Variants in GRID1 observed in about 807,000 individuals in gnomAD.
GRID1 encodes glutamate ionotropic receptor delta type subunit 1.
In GRID1, 28 loss-of-function variants were observed where a neutral mutation model predicts 98.0. That is an observed-to-expected ratio of 0.29 (90% CI 0.21 to 0.39). The LOEUF (loss-of-function observed/expected upper bound fraction) is 0.39. GRID1 is among the 10% of genes least tolerant of loss of function. GRID1 has a pLI of 1.00. For missense variants in GRID1, 1,111 were observed against 1,340.5 expected (o/e 0.83, Z 2.67); for synonymous variants, 553 against 538.5 (o/e 1.03, Z -0.37).
intron 5 of GRID1, among the ~76,000 whole-genome samples, chr10:85,882,170 T>C (rs2131803888): frequency 6.6e-6 from 1 of 152,324 alleles, no homozygotes; most frequent in East Asian, 1.9e-4. Context: ...TTTACACCAT[T>C]GGTGGGACTG....
intron 3 of GRID1, among the ~76,000 whole-genome samples, chr10:86,143,081 C>A (rs1429647374): frequency 1.3e-5 from 2 of 152,218 alleles, no homozygotes; most frequent in Non-Finnish European, 2.9e-5. Flanking sequence ...ATGCTCCTTG[C>A]CAGCGGTGGC....
chr10:86,136,008 G>A (rs1339224765), intron 4 of GRID1, among the ~76,000 whole-genome samples: 1 of 152,190 alleles, frequency 6.6e-6, no homozygotes, highest in Non-Finnish European at 1.5e-5. Flanking sequence ...GGGTGCTGAG[G>A]AGACATTTAC....
chr10:85,696,427 A>G (rs1234618266), intron 12 of GRID1, among the ~76,000 whole-genome samples: 1 of 152,084 alleles, frequency 6.6e-6, no homozygotes, highest in East Asian at 1.9e-4. Flanking sequence ...AGGTGCTCTA[A>G]AAATATGGAC....
chr10:86,188,822 T>C (rs892703127), intron 3 of GRID1, among the ~76,000 whole-genome samples: 1 of 152,188 alleles, frequency 6.6e-6, no homozygotes, highest in Non-Finnish European at 1.5e-5. Flanking sequence ...TTATCTCTGC[T>C]TGATAGATGA....
At chr10:86,303,795 TG>T in intron 2 of GRID1, among the ~76,000 whole-genome samples, 1 of 152,344 alleles carries the variant, frequency 6.6e-6, no homozygotes, top group East Asian at 1.9e-4. Context: ...GGCACTCAGA[TG>T]TCAGCAGGAG....
In GRID1 at chr10:86,296,482, T is replaced by C. The variant is rs531273237; in HGVS notation, c.235+67459A>G. ...TAAAAAAATAGGCTGGACACACCTT[T>C]AATCCTAGCACTTTGGGAGCCTGAG... On this transcript the variant is annotated intron_variant, in intron 2 of 15. Coordinates refer to ENST00000327946, the MANE Select transcript of GRID1 (RefSeq NM_017551.3). Among the ~76,000 whole-genome samples the C allele has an allele frequency of 2.0e-5, 3 of 152,330 alleles. No individual in the cohort carries two copies. In the South Asian group the frequency reaches 6.2e-4, roughly 32 times the overall value.
chr10:86,325,942 T>C (rs558693645), intron 2 of GRID1, among the ~76,000 whole-genome samples: 110 of 152,240 alleles, frequency 7.2e-4, no homozygotes, highest in Non-Finnish European at 1.2e-3. Flanking sequence ...ACAGACAAAA[T>C]TGACATAATT....
intron 4 of GRID1, among the ~76,000 whole-genome samples, chr10:86,112,607 G>A (rs905000184): frequency 2.0e-5 from 3 of 151,948 alleles, no homozygotes; most frequent in Non-Finnish European, 4.4e-5. Context: ...CCGAGCAGGG[G>A]TGGGGGTGGG....
chr10:86,092,816 T>C (rs1262691501), intron 4 of GRID1, among the ~76,000 whole-genome samples: 1 of 152,166 alleles, frequency 6.6e-6, no homozygotes, highest in African/African-American at 2.4e-5. Flanking sequence ...CTGACAGCAC[T>C]AGACAGGTCA....
At position 85,832,272 on chromosome 10, in the gene GRID1, AAATAGAGAAAAATACACACTTTTT is replaced by A. The variant is rs566472093; in HGVS notation, c.1233+22200_1233+22223del. ...AGCAACTTCATACAAACTCGTTCAG[AAATAGAGAAAAATACACACTTTTT>A]ATCTCATTATAAGAGCCCCAGCATT... is the stretch of plus-strand genomic sequence containing the variant. On this transcript the variant is annotated intron_variant, in intron 8 of 15. Transcript: ENST00000327946. Among the ~76,000 whole-genome samples the A allele has an allele frequency of 1.7e-3, 262 of 152,298 alleles. 1 individual carries two copies. Among genetic ancestry groups the A allele is most frequent in the African/African-American group, 6.2e-3 (257 of 41,588 alleles).
rs570981698 is a variant in GRID1 at position 85,893,162 on chromosome 10, A to T, written c.780+23024T>A. ...GATTATCTCAATAGATGCACAAAAA[A>T]TATTTGGCAAAATTCAAGATCCAAT... On this transcript the variant is annotated intron_variant, in intron 5 of 15. Coordinates refer to ENST00000327946, the MANE Select transcript of GRID1 (RefSeq NM_017551.3). 2.0e-5 allele frequency among the ~76,000 whole-genome samples: 3 copies of T among 152,282 alleles called. No homozygotes were observed. The East Asian group carries it at 5.8e-4, about 29-fold the overall frequency.
At chr10:86,341,008 G>A (rs1328886065) in intron 2 of GRID1, among the ~76,000 whole-genome samples, 1 of 152,118 alleles carries the variant, frequency 6.6e-6, no homozygotes, top group Non-Finnish European at 1.5e-5. Flanking sequence ...ACAGATCCAG[G>A]CTAGCTACTG....
chr10:86,321,517 A>G (rs550964644), intron 2 of GRID1, among the ~76,000 whole-genome samples: 71 of 152,348 alleles, frequency 4.7e-4, no homozygotes, highest in African/African-American at 1.6e-3. Context: ...AGGAATCATG[A>G]AGAATGCTTG....
intron 2 of GRID1, among the ~76,000 whole-genome samples, chr10:86,326,688 G>C (rs561919166): frequency 6.6e-6 from 1 of 152,332 alleles, no homozygotes; most frequent in African/African-American, 2.4e-5. Flanking sequence ...TAATCAGGGA[G>C]CTGAAGTCCC....
chr10:85,762,890 G>A (rs1590220711), intron 8 of GRID1, among the ~76,000 whole-genome samples: 2 of 152,284 alleles, frequency 1.3e-5, no homozygotes, highest in East Asian at 3.9e-4. Context: ...CAGACAGGAG[G>A]CCCCTGAGTA....
intron 4 of GRID1, among the ~76,000 whole-genome samples, chr10:85,949,154 T>G (rs1302461764): frequency 6.6e-6 from 1 of 152,190 alleles, no homozygotes; most frequent in Non-Finnish European, 1.5e-5. Flanking sequence ...GATAGCCTTT[T>G]GTACCAGGGT....
intron 12 of GRID1, among the ~76,000 whole-genome samples, chr10:85,681,336 T>G (rs969377537): frequency 6.6e-6 from 1 of 152,280 alleles, no homozygotes; most frequent in East Asian, 1.9e-4. Flanking sequence ...AAATGTATTA[T>G]CTATTTTTTT....
At chr10:86,022,301 G>A (rs1238045098) in intron 4 of GRID1, among the ~76,000 whole-genome samples, 1 of 152,186 alleles carries the variant, frequency 6.6e-6, no homozygotes, top group Non-Finnish European at 1.5e-5. Flanking sequence ...TCAAGTGTCA[G>A]TTTTTAAATT....
At chr10:85,693,871 A>C (rs1041555683) in intron 12 of GRID1, among the ~76,000 whole-genome samples, 1 of 152,238 alleles carries the variant, frequency 6.6e-6, no homozygotes, top group African/African-American at 2.4e-5. Flanking sequence ...TGATCTAGGC[A>C]AATAATTTAT....
Sources: allele counts gnomAD v4.1 joint callset (sites outside exome capture counted in the v4.1 genomes callset), GRCh38; gene constraint gnomAD v4.1.1; transcripts MANE v1.5; gene names NCBI Gene and HGNC (gene_info 2026-07-23, HGNC 2026-07-21).